Variants in NBPF8 observed in about 807,000 individuals in gnomAD.
The protein encoded by NBPF8 is NBPF member 8.
downstream of NBPF8, among the ~76,000 whole-genome samples, chr1:120,469,511 C>T (rs1442371086): frequency 0.4 from 59,409 of 146,918 alleles, 12,428 homozygotes; most frequent in African/African-American, 0.47. Flanking sequence ...AACTATCACA[C>T]ATGCCCTTTG....
downstream of NBPF8, among the ~76,000 whole-genome samples, chr1:120,469,204 T>C (rs1453976514): frequency 1.5e-5 from 2 of 131,268 alleles, no homozygotes; most frequent in South Asian, 2.6e-4. Context: ...GAAATGTATA[T>C]GTGTGTGTAT....
upstream of NBPF8, chr1:120,433,243 A>C (rs1553247266): frequency 0.19 from 28,159 of 151,410 alleles, 3,163 homozygotes; most frequent in Non-Finnish European, 0.25. Flanking sequence ...GCAAGTCGGT[A>C]TTGAAGAAGC....
At chr1:120,464,208 A>G (rs1381782239) in intron 22 of NBPF8, among the ~76,000 whole-genome samples, 168 bp from the exon 21 acceptor site, 2 of 124,106 alleles carry the variant, frequency 1.6e-5, no homozygotes, top group Admixed American at 8.0e-5. Context: ...ATTCTTTTCC[A>G]TTTGGCCCTG....
rs1661741127 is a variant in NBPF8, at chr1:120,466,105, T to C, written n.3696T>C. Reference sequence around the variant, plus strand: ...ATTCCAGCACTACAGAAGTGTGTTTTACTCATTTGAGGAACAGCACATCAG... The same window carrying C: ...ATTCCAGCACTACAGAAGTGTGTTTCACTCATTTGAGGAACAGCACATCAG... On this transcript the variant is annotated non_coding_transcript_exon_variant, in exon 25 of 25. Transcript: ENST00000583271. 1.4e-5 allele frequency: 22 copies of C among 1,611,490 alleles called. No individual in the cohort carries two copies. In the South Asian group the frequency reaches 2.3e-4, roughly 17 times the overall value.
chr1:120,426,982 T>C (rs1660745293), intron 2 of NBPF8, among the ~76,000 whole-genome samples: 1 of 138,726 alleles, frequency 7.2e-6, no homozygotes, highest in Non-Finnish European at 1.5e-5. Flanking sequence ...GGTCTTTGCC[T>C]CTGGGCTCTC....
chr1:120,424,354 C>G (rs1417344069), intron 1 of NBPF8, among the ~76,000 whole-genome samples: 1 of 151,182 alleles, frequency 6.6e-6, no homozygotes, highest in Admixed American at 6.6e-5. Flanking sequence ...GTCTGGTGAG[C>G]ACAAGAAAAG....
At chr1:120,455,319 T>C (rs1168056226) in intron 15 of NBPF8, 90 bp from the exon 14 acceptor site, 2 of 699,366 alleles carry the variant, frequency 2.9e-6, no homozygotes, top group Admixed American at 4.2e-5. Context: ...TGAGAATAGT[T>C]ATGTCCTTGT....
At chr1:120,425,180 G>A (rs1372781266) in intron 1 of NBPF8, among the ~76,000 whole-genome samples, 6 of 152,228 alleles carry the variant, frequency 3.9e-5, no homozygotes, top group African/African-American at 1.4e-4. Context: ...TAAAGGGTCT[G>A]TGCTGAGGAG....
chr1:120,464,735 C>A (rs1334076848), intron 23 of NBPF8, among the ~76,000 whole-genome samples, 187 bp downstream of exon 21: 4 of 144,834 alleles, frequency 2.8e-5, no homozygotes, highest in African/African-American at 7.7e-5. Flanking sequence ...GGTCAGTGAG[C>A]AAGACTCTCT....
At chr1:120,436,500 C>T (rs2101618943) in exon 1 of NBPF8, 3 of 1,480,898 alleles carry the variant, frequency 2.0e-6, no homozygotes, top group South Asian at 2.3e-5. Context: ...CCTGACTCCA[C>T]CTCTTCTGCC....
At chr1:120,420,968 G>A (rs1185130273) in intron 1 of NBPF8, among the ~76,000 whole-genome samples, 4 of 144,292 alleles carry the variant, frequency 2.8e-5, no homozygotes, top group Non-Finnish European at 4.5e-5. Flanking sequence ...GCCAGTGCAA[G>A]GAGGGAAGTC....
chr1:120,451,660 CTCAA>C (rs1473007915), intron 12 of NBPF8, among the ~76,000 whole-genome samples: 2 of 147,036 alleles, frequency 1.4e-5, no homozygotes, highest in African/African-American at 5.1e-5. Flanking sequence ...CATTCTTTCA[CTCAA>C]TCAATGTTGC....
chr1:120,425,628 C>A (rs1660703815), intron 1 of NBPF8, among the ~76,000 whole-genome samples: 1 of 152,190 alleles, frequency 6.6e-6, no homozygotes, highest in Non-Finnish European at 1.5e-5. Flanking sequence ...ATTTTTCTTT[C>A]TCTGTACTTT....
At chr1:120,467,891 C>T (rs1553250924), downstream of NBPF8, among the ~76,000 whole-genome samples, 27 of 152,098 alleles carry the variant, frequency 1.8e-4, 1 homozygote, top group South Asian at 8.3e-4. Context: ...GTTTACCATA[C>T]GTAGCAGAAT....
chr1:120,434,970 GC>G (rs1661033599), upstream of NBPF8, among the ~76,000 whole-genome samples: 1 of 63,892 alleles, frequency 1.6e-5, no homozygotes, highest in South Asian at 4.7e-4. Flanking sequence ...ATAATTATTT[GC>G]TATATAATAC....
chr1:120,456,057 G>GT (rs1273453720), intron 16 of NBPF8, among the ~76,000 whole-genome samples: 1 of 151,984 alleles, frequency 6.6e-6, no homozygotes, highest in Non-Finnish European at 1.5e-5. Flanking sequence ...AGGTTGTTCA[G>GT]TTTCCATGTA....
At chr1:120,428,585 T>C (rs1214750961) in intron 3 of NBPF8, among the ~76,000 whole-genome samples, 1 of 152,118 alleles carries the variant, frequency 6.6e-6, no homozygotes, top group African/African-American at 2.4e-5. Flanking sequence ...TGAAGAAGCA[T>C]CTTGCAGAAG....
intron 3 of NBPF8, among the ~76,000 whole-genome samples, chr1:120,428,539 C>T (rs1660785004): frequency 6.6e-6 from 1 of 152,032 alleles, no homozygotes; most frequent in Admixed American, 6.5e-5. Context: ...AAATAAACTC[C>T]CATCAGCTTT....
chr1:120,424,639 G>A (rs1660662133), intron 1 of NBPF8, among the ~76,000 whole-genome samples: 2 of 150,958 alleles, frequency 1.3e-5, no homozygotes, highest in Non-Finnish European at 3.0e-5. Flanking sequence ...GTAGAGACAG[G>A]GTTTCTTCAT....
Sources: allele counts gnomAD v4.1 joint callset (sites outside exome capture counted in the v4.1 genomes callset), GRCh38; gene constraint gnomAD v4.1.1; transcripts MANE v1.5; gene names NCBI Gene and HGNC (gene_info 2026-07-23, HGNC 2026-07-21).